Variants in NALF1 observed in about 807,000 individuals in gnomAD.
NALF1 encodes the protein NALCN channel auxiliary factor 1.
NALF1 carries 3 observed loss-of-function variants against 48.4 expected under a neutral mutation model. The observed-to-expected ratio is 0.06, with a 90% confidence interval of 0.03 to 0.16. The LOEUF is 0.16. Ranked by LOEUF, NALF1 falls within the 10% of genes least tolerant of loss-of-function variation. The pLI is 1.00. For synonymous variants in NALF1, 262 were observed against 245.7 expected (o/e 1.07, Z -0.62); for missense variants, 526 against 571.5 (o/e 0.92, Z 0.81).
intron 1 of NALF1, among the ~76,000 whole-genome samples, chr13:107,515,130 C>A (rs1460562021): frequency 1.3e-5 from 2 of 152,124 alleles, no homozygotes; most frequent in African/African-American, 2.4e-5. Context: ...CTTTGAGGGT[C>A]AAATGCAGCC....
chr13:107,399,885 T>C (rs981042411), intron 1 of NALF1, among the ~76,000 whole-genome samples: 1 of 152,132 alleles, frequency 6.6e-6, no homozygotes, highest in Non-Finnish European at 1.5e-5. Context: ...TGTACCATAT[T>C]GTTGAAAAAA....
intron 1 of NALF1, among the ~76,000 whole-genome samples, chr13:107,451,838 C>T (rs1322789212): frequency 6.6e-5 from 10 of 152,022 alleles, no homozygotes; most frequent in Admixed American, 6.6e-4. Context: ...TATCAAAGGT[C>T]GATAATAACG....
intron 1 of NALF1, among the ~76,000 whole-genome samples, chr13:107,459,335 C>T (rs951804538): frequency 2.6e-5 from 4 of 151,860 alleles, no homozygotes; most frequent in Admixed American, 6.6e-5. Flanking sequence ...GTCTTCACTT[C>T]GCACCCTAGA....
chr13:107,820,970 C>G (rs1199075635), intron 1 of NALF1, among the ~76,000 whole-genome samples: 1 of 152,184 alleles, frequency 6.6e-6, no homozygotes, highest in East Asian at 1.9e-4. Flanking sequence ...ATTCTGCATA[C>G]TCCCTCCCTT....
intron 1 of NALF1, among the ~76,000 whole-genome samples, chr13:107,485,756 G>A (rs926324072): frequency 6.6e-6 from 1 of 152,138 alleles, no homozygotes; most frequent in African/African-American, 2.4e-5. Context: ...TTTGCACTAT[G>A]TTGCTACCTA....
intron 1 of NALF1, among the ~76,000 whole-genome samples, chr13:107,641,267 G>A (rs1157412379): frequency 1.3e-5 from 2 of 152,156 alleles, no homozygotes; most frequent in Non-Finnish European, 2.9e-5. Context: ...GTCAGATGGA[G>A]GAGGATGAAG....
intron 1 of NALF1, among the ~76,000 whole-genome samples, chr13:107,404,557 C>T (rs1234069895): frequency 6.6e-6 from 1 of 151,932 alleles, no homozygotes; most frequent in African/African-American, 2.4e-5. Context: ...TAAAAGCATG[C>T]AATTAATGCT....
At chr13:107,697,484 C>G (rs1184820924) in intron 1 of NALF1, among the ~76,000 whole-genome samples, 1 of 152,034 alleles carries the variant, frequency 6.6e-6, no homozygotes, top group Non-Finnish European at 1.5e-5. Flanking sequence ...TGGTATTGTA[C>G]AATATTCAAT....
rs71754551 is a variant in NALF1, at chr13:107,565,065, C to CAAAA, written c.915+300613_915+300616dup. Among the ~76,000 whole-genome samples, 210 of 23,184 alleles carry CAAAA rather than the reference C, an allele frequency of 9.1e-3. 22 individuals carry two copies. The East Asian group carries it at 0.19, about 21-fold the overall frequency. 15.2% of individuals were successfully genotyped at this position (23,184 alleles called of 152,430 possible). A position where few individuals can be genotyped will look rare whatever the true frequency, so the allele number is the denominator to read the frequency against. ...AGTAGGAAACAAGGGGTGATATCTG[C>CAAAA]AAAAAAAAAAAAAAAAAAACCTAGC... On this transcript the variant is annotated intron_variant, in intron 1 of 2. Coordinates refer to ENST00000375915, the MANE Select transcript of NALF1 (RefSeq NM_001080396.3).
intron 1 of NALF1, among the ~76,000 whole-genome samples, chr13:107,618,899 A>G (rs915268556): frequency 4.6e-5 from 7 of 152,158 alleles, no homozygotes; most frequent in Admixed American, 6.5e-5. Context: ...GCTAAACAAC[A>G]TATTGCTTTA....
intron 1 of NALF1, among the ~76,000 whole-genome samples, chr13:107,388,082 G>A (rs1160418975): frequency 6.6e-6 from 1 of 152,142 alleles, no homozygotes; most frequent in Non-Finnish European, 1.5e-5. Context: ...TTGCAAAGTG[G>A]CTTTTAGCAA....
At chr13:107,693,328 T>TGGG (rs1566446153) in intron 1 of NALF1, among the ~76,000 whole-genome samples, 59 of 55,926 alleles carry the variant, frequency 1.1e-3, no homozygotes, top group South Asian at 4.6e-3. Context: ...TGTCGTAGGG[T>TGGG]AGGGGGGGCG....
chr13:107,232,681 A>T (rs1353621701), intron 1 of NALF1, among the ~76,000 whole-genome samples: 1 of 152,094 alleles, frequency 6.6e-6, no homozygotes, highest in Non-Finnish European at 1.5e-5. Context: ...ATGATGAGGC[A>T]CTTGCTTGGG....
At chr13:107,706,312 T>C (rs1881946031) in intron 1 of NALF1, among the ~76,000 whole-genome samples, 1 of 152,214 alleles carries the variant, frequency 6.6e-6, no homozygotes, top group Admixed American at 6.5e-5. Context: ...ATAAATTTCA[T>C]CTTTTATCTT....
chr13:107,358,166 A>ATGTG (rs1491390261), intron 1 of NALF1, among the ~76,000 whole-genome samples: 1,995 of 121,696 alleles, frequency 0.016, 44 homozygotes, highest in African/African-American at 0.057. Context: ...TATACGTAAC[A>ATGTG]TATGTGTGTG....
chr13:107,439,174 A>C (rs2139024526), intron 1 of NALF1, among the ~76,000 whole-genome samples: 1 of 152,270 alleles, frequency 6.6e-6, no homozygotes, highest in Middle Eastern at 3.4e-3. Context: ...TTATGTGTTA[A>C]TTTAGTATCC....
chr13:107,454,420 C>G (rs772572422), intron 1 of NALF1, among the ~76,000 whole-genome samples: 1 of 152,098 alleles, frequency 6.6e-6, no homozygotes, highest in Admixed American at 6.5e-5. Flanking sequence ...TAGAAGGAGA[C>G]GTGCCCAACA....
rs558361912 is a variant in NALF1, at chr13:107,771,801, A to C, written c.915+93881T>G. ...CGCCAGGCTGGAGTGCAGTGGCGCGATCTCGGCTCACTGCAGCCTCCGCCT... is the reference window on the plus strand; with the variant it reads ...CGCCAGGCTGGAGTGCAGTGGCGCGCTCTCGGCTCACTGCAGCCTCCGCCT... On this transcript the variant is annotated intron_variant, in intron 1 of 2. Transcript: ENST00000375915. Among the ~76,000 whole-genome samples the C allele has an allele frequency of 2.0e-3, 300 of 152,184 alleles. 2 individuals are homozygous for C. The highest frequency in any genetic ancestry group is 0.01 in the Middle Eastern group (3 of 294).
intron 1 of NALF1, among the ~76,000 whole-genome samples, chr13:107,784,527 G>C (rs532759651): frequency 3.3e-5 from 5 of 152,078 alleles, no homozygotes; most frequent in South Asian, 4.2e-4. Flanking sequence ...TTAAAAAGAG[G>C]TTGCTCCAGT....
Sources: allele counts gnomAD v4.1 joint callset (sites outside exome capture counted in the v4.1 genomes callset), GRCh38; gene constraint gnomAD v4.1.1; transcripts MANE v1.5; gene names NCBI Gene and HGNC (gene_info 2026-07-23, HGNC 2026-07-21).